Variants in MBD5 observed in about 807,000 individuals in gnomAD.
MBD5 encodes the protein methyl-CpG-binding domain protein 5.
MBD5 carries 13 observed loss-of-function variants against 117.3 expected under a neutral mutation model. The ratio of observed to expected loss-of-function variants is 0.11; its 90% CI spans 0.07 to 0.18. The LOEUF (loss-of-function observed/expected upper bound fraction) is 0.18. MBD5 is among the 10% of genes least tolerant of loss of function. MBD5 has a pLI of 1.00. For missense variants in MBD5, 1,879 were observed against 2,093.8 expected, an observed-to-expected ratio of 0.90 and a Z score of 2.00; for synonymous variants, 727 against 766.4, an observed-to-expected ratio of 0.95 and a Z score of 0.85.
intron 1 of MBD5, among the ~76,000 whole-genome samples, chr2:148,089,217 G>A (rs1695875323): frequency 6.6e-6 from 1 of 151,878 alleles, no homozygotes; most frequent in African/African-American, 2.4e-5. Flanking sequence ...ATTATTACTA[G>A]GCCTAAGAAA....
intron 3 of MBD5, among the ~76,000 whole-genome samples, chr2:148,303,721 T>C (rs1701825637): frequency 6.6e-6 from 1 of 152,202 alleles, no homozygotes; most frequent in South Asian, 2.1e-4. Flanking sequence ...TTCAACCTAA[T>C]CAAACCTACC....
intron 4 of MBD5, among the ~76,000 whole-genome samples, chr2:148,412,200 C>T (rs1401273370): frequency 6.6e-6 from 1 of 151,498 alleles, no homozygotes; most frequent in Non-Finnish European, 1.5e-5. Context: ...CTATTCTATT[C>T]CATTGGTGTA....
intron 1 of MBD5, among the ~76,000 whole-genome samples, chr2:148,153,083 A>G (rs142453391): frequency 0.29 from 44,508 of 151,360 alleles, 8,061 homozygotes; most frequent in East Asian, 0.46. Context: ...GGTACCGATT[A>G]TTCCTTTCCA....
chr2:148,211,595 A>G (rs1353968444), intron 2 of MBD5, among the ~76,000 whole-genome samples: 3 of 152,172 alleles, frequency 2.0e-5, no homozygotes, highest in Non-Finnish European at 4.4e-5. Context: ...AATATGAAGT[A>G]TCTGAGGAAC....
intron 4 of MBD5, among the ~76,000 whole-genome samples, chr2:148,436,083 TATAGA>T (rs1470976216): frequency 1.3e-5 from 2 of 152,340 alleles, no homozygotes; most frequent in Admixed American, 1.3e-4. Flanking sequence ...TTAAGATACC[TATAGA>T]CCAGCAATGT....
chr2:148,050,304 T>G (rs1694658873), intron 1 of MBD5, among the ~76,000 whole-genome samples: 3 of 152,222 alleles, frequency 2.0e-5, no homozygotes. Context: ...TGTTTTCATG[T>G]GCTTATTAGC....
At chr2:148,389,067 C>T (rs888969425) in intron 4 of MBD5, among the ~76,000 whole-genome samples, 5 of 150,506 alleles carry the variant, frequency 3.3e-5, no homozygotes, top group Non-Finnish European at 7.4e-5. Context: ...TAAGTGTGAA[C>T]ATGCAATATT....
At position 148,274,261 on chromosome 2, in the gene MBD5, G is replaced by A. The variant is rs76346501; in HGVS notation, c.-680+40866G>A. Among the ~76,000 whole-genome samples, 216 of 151,872 alleles carry A rather than the reference G, an allele frequency of 1.4e-3. 5 individuals are homozygous for A. The East Asian group carries it at 0.039, about 28-fold the overall frequency. ...TTTTTAAATTATACTCTAAGTTCTG[G>A]GGTACACATGCAGAACGTGCAGTTT... On this transcript the variant is annotated intron_variant, in intron 3 of 13. Transcript: ENST00000642680.
chr2:148,414,023 T>G (rs1705347938), intron 4 of MBD5, among the ~76,000 whole-genome samples: 1 of 151,972 alleles, frequency 6.6e-6, no homozygotes, highest in African/African-American at 2.4e-5. Flanking sequence ...GGAGTTGGTT[T>G]GGTGTTGTTT....
At chr2:148,400,101 T>G (rs1172214847) in intron 4 of MBD5, among the ~76,000 whole-genome samples, 6 of 152,214 alleles carry the variant, frequency 3.9e-5, no homozygotes, top group African/African-American at 1.4e-4. Flanking sequence ...TCAGGGATAT[T>G]GGTGATCCTT....
At chr2:148,227,894 C>G (rs1699875708) in intron 2 of MBD5, among the ~76,000 whole-genome samples, 1 of 152,080 alleles carries the variant, frequency 6.6e-6, no homozygotes, top group African/African-American at 2.4e-5. Context: ...TGGGAGTTCA[C>G]TCATGATTTG....
intron 8 of MBD5, among the ~76,000 whole-genome samples, chr2:148,481,236 A>C (rs1287124891): frequency 6.6e-6 from 1 of 152,214 alleles, no homozygotes; most frequent in South Asian, 2.1e-4. Flanking sequence ...GGTTCAATAA[A>C]TATAGTAAAT....
chr2:148,389,493 T>G (rs75292698), intron 4 of MBD5, among the ~76,000 whole-genome samples: 2,927 of 151,604 alleles, frequency 0.019, 98 homozygotes, highest in African/African-American at 0.067. Flanking sequence ...TTTTTGTTCT[T>G]TGAGAAATCT....
chr2:148,422,921 T>C (rs1705652347), intron 4 of MBD5, among the ~76,000 whole-genome samples: 1 of 152,022 alleles, frequency 6.6e-6, no homozygotes, highest in African/African-American at 2.4e-5. Context: ...CCAAGAAACA[T>C]GGGACTATGT....
At chr2:148,290,526 A>G (rs1701476844) in intron 3 of MBD5, among the ~76,000 whole-genome samples, 1 of 152,100 alleles carries the variant, frequency 6.6e-6, no homozygotes, top group Non-Finnish European at 1.5e-5. Flanking sequence ...CAGTCTCCTC[A>G]TACCTTAACT....
intron 4 of MBD5, among the ~76,000 whole-genome samples, chr2:148,410,576 G>A (rs754806445): frequency 2.9e-4 from 44 of 152,014 alleles, no homozygotes; most frequent in East Asian, 1.9e-4. Flanking sequence ...GACTACAGGC[G>A]TGCACCACCA....
intron 8 of MBD5, among the ~76,000 whole-genome samples, chr2:148,476,472 C>T (rs575538363): frequency 5.3e-5 from 8 of 152,182 alleles, no homozygotes; most frequent in Admixed American, 2.0e-4. Context: ...TAATAACAGC[C>T]ATGACTCACT....
intron 1 of MBD5, among the ~76,000 whole-genome samples, chr2:148,173,951 T>C (rs895689585): frequency 2.0e-5 from 3 of 152,112 alleles, no homozygotes; most frequent in African/African-American, 7.2e-5. Context: ...CTAAAATTTA[T>C]ATGGAACCAC....
Position 148,471,767 on chromosome 2 carries a change from CTTAGT to C in MBD5, c.2518+1310_2518+1314del, listed in dbSNP as rs541364526. 5.9e-5 allele frequency: 9 copies of C among 152,062 alleles called. No individual in the cohort carries two copies. The East Asian group carries it at 1.7e-3, about 29-fold the overall frequency. 9.4% of individuals were successfully genotyped at this position (152,062 alleles called of 1,614,324 possible). On this transcript the variant is annotated intron_variant, in intron 8 of 13. Transcript: ENST00000642680. ...AAATTATTAGTGCCTTCTTGATATT[CTTAGT>C]TTAAAGAATCTCATAAAACTTTATG... is the stretch of plus-strand genomic sequence containing the variant.
Sources: gnomAD v4.1 joint callset for allele counts (sites outside exome capture counted in the v4.1 genomes callset) on GRCh38, gnomAD v4.1.1 for gene constraint, MANE v1.5 for transcripts, NCBI Gene and HGNC (gene_info 2026-07-23, HGNC 2026-07-21) for gene names.